The following GPM6B variants were observed in gnomAD, a reference collection of about 807,000 sequenced individuals.
GPM6B encodes glycoprotein M6B.
Under a neutral mutation model 27.2 loss-of-function variants are expected in GPM6B, and 4 were observed. The ratio of observed to expected loss-of-function variants is 0.15; its 90% CI spans 0.07 to 0.34. GPM6B has a LOEUF of 0.34. Ranked by LOEUF, GPM6B falls within the 10% of genes least tolerant of loss-of-function variation. GPM6B has a pLI of 1.00. For synonymous variants in GPM6B, 124 were observed against 103.1 expected, an observed-to-expected ratio of 1.20 and a Z score of -1.23; for missense variants, 183 against 261.9, an observed-to-expected ratio of 0.70 and a Z score of 2.08.
chrX:13,812,071 ACAGAGTCTCGCTCTGTCACCCAGG>A (rs2049145795), intron 1 of GPM6B, among the ~76,000 whole-genome samples: 1 of 73,151 alleles, frequency 1.4e-5, no homozygotes, highest in African/African-American at 5.8e-5. Context: ...TTTTTTTGAG[ACAGAGTCTCGCTCTGTCACCCAGG>A]CTGGAGTGCA....
At chrX:13,868,937 T>C (rs1460428757) in intron 1 of GPM6B, among the ~76,000 whole-genome samples, 3 of 111,992 alleles carry the variant, frequency 2.7e-5, no homozygotes, top group Non-Finnish European at 3.8e-5. Context: ...CTGTTTGGGA[T>C]GCTTGGAGAT....
intron 1 of GPM6B, among the ~76,000 whole-genome samples, chrX:13,841,924 C>T (rs181870301): frequency 5.4e-5 from 6 of 111,841 alleles, no homozygotes; most frequent in East Asian, 5.6e-4. Context: ...TCCTCCCTTT[C>T]GATTTGTTCT....
intron 1 of GPM6B, among the ~76,000 whole-genome samples, chrX:13,865,470 G>T (rs889988502): frequency 5.2e-5 from 5 of 95,933 alleles, no homozygotes; most frequent in Admixed American, 2.4e-4. Flanking sequence ...GGTGGTTCAT[G>T]CCTGTAGTCT....
chrX:13,910,847 T>C (rs910855720), intron 1 of GPM6B, among the ~76,000 whole-genome samples: 4 of 112,619 alleles, frequency 3.6e-5, no homozygotes, highest in African/African-American at 1.3e-4. Context: ...TTTACATTCC[T>C]ATATAACATG....
chrX:13,921,572 A>ACC (rs1555932310), intron 1 of GPM6B, among the ~76,000 whole-genome samples: 8 of 69,333 alleles, frequency 1.2e-4, no homozygotes, highest in African/African-American at 1.9e-4. Context: ...CACATTTATA[A>ACC]CCCCCCCCCT....
chrX:13,830,840 GAAC>G (rs1462477454), intron 1 of GPM6B, among the ~76,000 whole-genome samples: 2 of 111,282 alleles, frequency 1.8e-5, no homozygotes, highest in East Asian at 5.6e-4. Context: ...CCTGCCTTTT[GAAC>G]AACTGGCCTG....
intron 2 of GPM6B, among the ~76,000 whole-genome samples, chrX:13,788,156 CAT>C (rs1188339173): frequency 8.9e-6 from 1 of 111,956 alleles, no homozygotes; most frequent in East Asian, 2.8e-4. Flanking sequence ...TGAATTGTCA[CAT>C]ATTTGATTTT....
intron 1 of GPM6B, among the ~76,000 whole-genome samples, chrX:13,879,118 A>G (rs1290068860): frequency 8.9e-6 from 1 of 112,415 alleles, no homozygotes; most frequent in African/African-American, 3.2e-5. Flanking sequence ...GCAGGGATAT[A>G]AGAACAGCCC....
upstream of GPM6B, among the ~76,000 whole-genome samples, chrX:13,821,072 T>C (rs17264385): frequency 0.051 from 5,690 of 111,036 alleles, 177 homozygotes; most frequent in East Asian, 0.15. Flanking sequence ...TGTAGAATAG[T>C]GTCAAATACC....
intron 1 of GPM6B, among the ~76,000 whole-genome samples, chrX:13,867,527 C>T (rs1001861795): frequency 3.6e-5 from 4 of 112,004 alleles, no homozygotes; most frequent in African/African-American, 1.3e-4. Flanking sequence ...ATGAAACTGC[C>T]GAGCAGTCTC....
intron 1 of GPM6B, among the ~76,000 whole-genome samples, chrX:13,837,001 T>A (rs757675023): frequency 3.6e-5 from 4 of 112,421 alleles, no homozygotes; most frequent in Admixed American, 2.8e-4. Flanking sequence ...GGAGTAAGCA[T>A]CCAATACTGT....
At chrX:13,915,102 T>C (rs1603135099) in intron 1 of GPM6B, among the ~76,000 whole-genome samples, 1 of 108,992 alleles carries the variant, frequency 9.2e-6, no homozygotes, top group Non-Finnish European at 1.9e-5. Context: ...ACCCCATCTC[T>C]ACCAGAAATA....
rs777146343 is a variant in GPM6B, at chrX:13,779,995, C to T, written c.526-6G>A. On this transcript the variant is annotated splice_region_variant and splice_polypyrimidine_tract_variant and intron_variant, in intron 4 of 7. Transcript: ENST00000316715. ...ACATAGGTGAGGAAAACGAACTAGG[C>T]CAAAACAAGAGGAAGGACAATCATC... 17 of 1,167,764 alleles carry T rather than the reference C, an allele frequency of 1.5e-5. No homozygotes were observed. The highest frequency in any genetic ancestry group is 3.0e-5 in the East Asian group (1 of 33,048).
intron 2 of GPM6B, among the ~76,000 whole-genome samples, chrX:13,787,434 T>C (rs186162377): frequency 1.9e-4 from 21 of 111,708 alleles, no homozygotes; most frequent in African/African-American, 6.5e-4. Context: ...TGGGCACCTG[T>C]AGTCCCAGCT....
intron 1 of GPM6B, among the ~76,000 whole-genome samples, chrX:13,827,584 T>C (rs1004968080): frequency 5.4e-5 from 6 of 111,943 alleles, no homozygotes; most frequent in Non-Finnish European, 9.4e-5. Context: ...GACAAAGGCT[T>C]GTGCCAACTT....
At chrX:13,874,522 ACCC>A (rs2050012805) in intron 1 of GPM6B, among the ~76,000 whole-genome samples, 1 of 89,296 alleles carries the variant, frequency 1.1e-5, no homozygotes, top group Non-Finnish European at 2.2e-5. Context: ...ACATGGTGAA[ACCC>A]CATCTCTACT....
intron 3 of GPM6B, chrX:13,783,730 T>C: frequency 4.3e-6 from 2 of 460,642 alleles, no homozygotes; most frequent in Middle Eastern, 3.4e-4. Context: ...GTGGGAATGA[T>C]GTTTCCTTTG....
chrX:13,839,321 A>C (rs2049543690), intron 1 of GPM6B, among the ~76,000 whole-genome samples: 1 of 105,029 alleles, frequency 9.5e-6, no homozygotes, highest in Admixed American at 1.0e-4. Context: ...GACTGAACCA[A>C]TCTTACATGT....
intron 1 of GPM6B, among the ~76,000 whole-genome samples, chrX:13,881,662 G>A (rs776904404): frequency 2.2e-3 from 130 of 59,489 alleles, no homozygotes; most frequent in African/African-American, 8.3e-3. Flanking sequence ...CTAGGAGATA[G>A]TTACTATTAC....
Sources: allele counts gnomAD v4.1 joint callset (sites outside exome capture counted in the v4.1 genomes callset), GRCh38; gene constraint gnomAD v4.1.1; transcripts MANE v1.5; gene names NCBI Gene and HGNC (gene_info 2026-07-23, HGNC 2026-07-21).